GALNT13: variants seen among roughly 807,000 people sequenced by gnomAD.
The protein encoded by GALNT13 is UDP-GalNAc:polypeptide N-acetylgalactosaminyltransferase 13.
GALNT13 carries 28 observed loss-of-function variants against 64.2 expected under a neutral mutation model. That is an observed-to-expected ratio of 0.44 (90% CI 0.32 to 0.60). The LOEUF (loss-of-function observed/expected upper bound fraction) is 0.60. Among genes scored for constraint, GALNT13 ranks in the 20% least tolerant of loss-of-function variants. The pLI, the probability that GALNT13 is intolerant of heterozygous loss-of-function variation, is 0.05. For missense variants in GALNT13, 577 were observed against 669.8 expected (o/e 0.86, Z 1.53); for synonymous variants, 214 against 224.6 (o/e 0.95, Z 0.42).
chr2:153,362,460 C>T, the GALNT13 span, among the ~76,000 whole-genome samples: 12 of 147,328 alleles, frequency 8.1e-5, no homozygotes, highest in South Asian at 2.2e-4. Context: ...AAGACCCATC[C>T]GTGTACTATT....
At chr2:153,908,910 A>G (rs1370668425) in intron 2 of GALNT13, among the ~76,000 whole-genome samples, 2 of 151,850 alleles carry the variant, frequency 1.3e-5, no homozygotes, top group Non-Finnish European at 2.9e-5. Context: ...TTTAAAATAT[A>G]TTTTTCTAGT....
the GALNT13 span, among the ~76,000 whole-genome samples, chr2:153,209,191 A>G: frequency 6.6e-6 from 1 of 151,928 alleles, no homozygotes; most frequent in Non-Finnish European, 1.5e-5. Flanking sequence ...CATGTTAGCC[A>G]GGATGGTCTC....
intron 7 of GALNT13, among the ~76,000 whole-genome samples, chr2:154,246,582 C>T (rs1392247251): frequency 1.3e-5 from 2 of 151,990 alleles, no homozygotes; most frequent in East Asian, 3.9e-4. Context: ...AAGCATTACC[C>T]ACTTTATTAA....
At chr2:153,864,043 T>C in the GALNT13 span, among the ~76,000 whole-genome samples, 1 of 152,228 alleles carries the variant, frequency 6.6e-6, no homozygotes, top group African/African-American at 2.4e-5. Flanking sequence ...TGTCCTGATT[T>C]CTGCCTGGTT....
intron 2 of GALNT13, among the ~76,000 whole-genome samples, chr2:153,929,801 A>G (rs1574138353): frequency 6.6e-6 from 1 of 152,178 alleles, no homozygotes; most frequent in Admixed American, 6.6e-5. Context: ...TAGTGCTGCA[A>G]TGAACATACA....
At chr2:153,305,672 C>T in the GALNT13 span, among the ~76,000 whole-genome samples, 9 of 152,118 alleles carry the variant, frequency 5.9e-5, no homozygotes, top group Admixed American at 6.5e-5. Flanking sequence ...AGGCTCCTCC[C>T]CTAGAGATCC....
intron 2 of GALNT13, among the ~76,000 whole-genome samples, chr2:153,930,839 T>C (rs543229289): frequency 1.5e-4 from 23 of 152,184 alleles, no homozygotes; most frequent in African/African-American, 5.5e-4. Context: ...TTTAGAATAG[T>C]TTTTTTCTAA....
intron 4 of GALNT13, among the ~76,000 whole-genome samples, chr2:154,184,892 T>A (rs1686169621): frequency 6.6e-6 from 1 of 152,148 alleles, no homozygotes; most frequent in Non-Finnish European, 1.5e-5. Context: ...GTGATTTATA[T>A]ACCACCATTA....
At chr2:154,359,883 T>A (rs1042508785) in intron 9 of GALNT13, among the ~76,000 whole-genome samples, 5 of 152,112 alleles carry the variant, frequency 3.3e-5, no homozygotes, top group Non-Finnish European at 1.5e-5. Context: ...AATGGCTATT[T>A]TCTTTAACTT....
the GALNT13 span, among the ~76,000 whole-genome samples, chr2:153,294,827 G>T: frequency 6.6e-6 from 1 of 152,194 alleles, no homozygotes. Context: ...TGCAAACTCT[G>T]TCACTCATCC....
chr2:154,182,632 A>G (rs1416578637), intron 4 of GALNT13, among the ~76,000 whole-genome samples: 3 of 148,546 alleles, frequency 2.0e-5, no homozygotes, highest in Non-Finnish European at 4.5e-5. Flanking sequence ...TATATTTATT[A>G]TATGGTATAT....
chr2:154,155,513 C>G (rs1466156765), intron 4 of GALNT13, among the ~76,000 whole-genome samples: 1 of 151,952 alleles, frequency 6.6e-6, no homozygotes, highest in Non-Finnish European at 1.5e-5. Flanking sequence ...ATACCAGTTT[C>G]TTAAGGGAAG....
intron 3 of GALNT13, among the ~76,000 whole-genome samples, chr2:154,085,196 T>C (rs2105424480): frequency 6.6e-6 from 1 of 152,148 alleles, no homozygotes; most frequent in Middle Eastern, 3.4e-3. Context: ...AAAGTATCAA[T>C]TCAAATCATA....
At chr2:154,281,705 C>CACCG (rs1246507218) in intron 8 of GALNT13, among the ~76,000 whole-genome samples, 1 of 152,088 alleles carries the variant, frequency 6.6e-6, no homozygotes, top group Admixed American at 6.6e-5. Flanking sequence ...CTCTCACACA[C>CACCG]ACCGGTTCAT....
chr2:154,321,310 G>T (rs1183542555), intron 9 of GALNT13, among the ~76,000 whole-genome samples: 1 of 152,082 alleles, frequency 6.6e-6, no homozygotes, highest in Non-Finnish European at 1.5e-5. Flanking sequence ...GTGACTCATG[G>T]TCTTTCTTTC....
chr2:154,422,798 G>A (rs1700311084), intron 11 of GALNT13, among the ~76,000 whole-genome samples: 1 of 152,106 alleles, frequency 6.6e-6, no homozygotes, highest in Non-Finnish European at 1.5e-5. Flanking sequence ...ATTACTGAGA[G>A]CAAGTGCCAC....
At chr2:154,351,005 G>A (rs957129599) in intron 9 of GALNT13, among the ~76,000 whole-genome samples, 10 of 152,282 alleles carry the variant, frequency 6.6e-5, no homozygotes, top group South Asian at 2.1e-4. Flanking sequence ...TATGGGAAAC[G>A]CAGTGGAGCT....
At chr2:153,881,269 A>T (rs1558831966) in intron 1 of GALNT13, among the ~76,000 whole-genome samples, 2 of 152,154 alleles carry the variant, frequency 1.3e-5, no homozygotes, top group Non-Finnish European at 2.9e-5. Context: ...AAAACAACCA[A>T]TATATGGTTC....
the GALNT13 span, among the ~76,000 whole-genome samples, chr2:153,456,876 C>T: frequency 3.3e-5 from 5 of 152,140 alleles, no homozygotes; most frequent in African/African-American, 1.2e-4. Flanking sequence ...CGGATGAATG[C>T]AGGGTCCAGG....
Sources: allele counts gnomAD v4.1 joint callset (sites outside exome capture counted in the v4.1 genomes callset), GRCh38; gene constraint gnomAD v4.1.1; transcripts MANE v1.5; gene names NCBI Gene and HGNC (gene_info 2026-07-23, HGNC 2026-07-21).